Variants in TSNARE1 observed in about 807,000 individuals in gnomAD.
The protein encoded by TSNARE1 is t-SNARE domain containing 1.
Under a neutral mutation model 62.0 loss-of-function variants are expected in TSNARE1, and 49 were observed. That is an observed-to-expected ratio of 0.79 (90% confidence interval 0.63 to 1.00). TSNARE1 has a LOEUF of 1.00. Among genes scored for constraint, TSNARE1 ranks in the 50% least tolerant of loss-of-function variants. The pLI is 0.00. For synonymous variants in TSNARE1, 328 were observed against 294.4 expected (o/e 1.11, Z -1.17); for missense variants, 755 against 700.1 (o/e 1.08, Z -0.88).
At chr8:142,255,484 A>ACCACCACCACTG (rs1818398465) in intron 12 of TSNARE1, among the ~76,000 whole-genome samples, 1 of 27,398 alleles carries the variant, frequency 3.6e-5, no homozygotes, top group Non-Finnish European at 7.6e-5. Context: ...CACCATCACC[A>ACCACCACCACTG]TCATCATCAC....
intron 11 of TSNARE1, chr8:142,277,185 C>T (rs967480295): frequency 4.7e-5 from 46 of 985,234 alleles, no homozygotes; most frequent in Non-Finnish European, 5.4e-5. Context: ...CTGCTCCTCC[C>T]AACACAGGGG....
chr8:142,229,403 T>C lies in TSNARE1; in HGVS notation c.*11+70A>G. 4 of 1,232,304 alleles carry C rather than the reference T, an allele frequency of 3.2e-6. No homozygotes were observed. The East Asian group carries it at 9.7e-5, about 30-fold the overall frequency. The allele number at this position is 1,232,304 out of a possible 1,614,324, so 76.3% of individuals were successfully genotyped here. A position where few individuals can be genotyped will look rare whatever the true frequency, so the allele number is the denominator to read the frequency against. ...GGATGGTGGATGGTTAGATGGATGG[T>C]GGATAGGTGAATGAATGGATGGTGG... On this transcript the variant is annotated intron_variant, in intron 13 of 13. Transcript: ENST00000524325.
At chr8:142,216,338 G>T (rs568560604) in intron 13 of TSNARE1, among the ~76,000 whole-genome samples, 2 of 152,188 alleles carry the variant, frequency 1.3e-5, no homozygotes, top group Admixed American at 6.5e-5. Flanking sequence ...AGGGGCTGGG[G>T]GTGTGGGGCT....
chr8:142,242,024 G>A (rs997081042), intron 12 of TSNARE1, among the ~76,000 whole-genome samples: 2 of 151,490 alleles, frequency 1.3e-5, no homozygotes, highest in Non-Finnish European at 1.5e-5. Flanking sequence ...AACTCAAAAT[G>A]GATGGAAGAC....
chr8:142,305,914 TG>T (rs2131423862), intron 9 of TSNARE1, among the ~76,000 whole-genome samples: 1 of 152,248 alleles, frequency 6.6e-6, no homozygotes, highest in East Asian at 1.9e-4. Context: ...CGGTTTCCCG[TG>T]GGAAGAGACT....
At chr8:142,321,205 C>A (rs985547830) in intron 6 of TSNARE1, among the ~76,000 whole-genome samples, 1 of 152,166 alleles carries the variant, frequency 6.6e-6, no homozygotes, top group African/African-American at 2.4e-5. Context: ...GGCCACCTTC[C>A]ATGATGCTCG....
At chr8:142,379,698 C>T (rs1450271924) in intron 1 of TSNARE1, among the ~76,000 whole-genome samples, 3 of 152,144 alleles carry the variant, frequency 2.0e-5, no homozygotes, top group Non-Finnish European at 4.4e-5. Context: ...CCCCAGTGCT[C>T]CGCCCAAGCC....
chr8:142,237,529 C>T (rs939973647), intron 12 of TSNARE1, among the ~76,000 whole-genome samples: 4 of 152,266 alleles, frequency 2.6e-5, no homozygotes, highest in African/African-American at 7.2e-5. Context: ...CGGAACCACC[C>T]GGGCCCTCCC....
At chr8:142,401,098 C>T (rs1056632649) in intron 1 of TSNARE1, among the ~76,000 whole-genome samples, 1 of 152,170 alleles carries the variant, frequency 6.6e-6, no homozygotes, top group Non-Finnish European at 1.5e-5. Flanking sequence ...GAAGGTGACT[C>T]CCCAACTCCG....
chr8:142,313,340 CTG>C (rs563809241), intron 9 of TSNARE1, among the ~76,000 whole-genome samples: 252 of 151,122 alleles, frequency 1.7e-3, no homozygotes, highest in African/African-American at 5.8e-3. Context: ...GTGTGTTTAT[CTG>C]TGTGTCTCTA....
chr8:142,273,437 A>C (rs1586934323), intron 12 of TSNARE1: 1 of 985,196 alleles, frequency 1.0e-6, no homozygotes, highest in African/African-American at 1.7e-5. Context: ...AGCTGCCCTC[A>C]GCGACTAGAG....
rs117159192 is a variant in TSNARE1, at chr8:142,232,164, G to A, written c.1447-2585C>T. 1.4e-3 allele frequency among the ~76,000 whole-genome samples: 209 copies of A among 152,354 alleles called. 1 individual carries two copies. The East Asian group carries it at 0.029, about 21-fold the overall frequency. On this transcript the variant is annotated intron_variant, in intron 12 of 13. Coordinates refer to ENST00000524325, the MANE Select transcript of TSNARE1 (RefSeq NM_145003.5). ...CTTTGACTTGGGGTGCCATGCCCTG[G>A]TCTGCAGGCCGAGGTGCATGCTGGA...
chr8:142,349,542 G>A (rs1278333574), intron 2 of TSNARE1, among the ~76,000 whole-genome samples: 2 of 152,110 alleles, frequency 1.3e-5, no homozygotes, highest in African/African-American at 2.4e-5. Flanking sequence ...TTTAAAACTC[G>A]CACGCACAGA....
chr8:142,227,708 C>T (rs1215622942), intron 13 of TSNARE1, among the ~76,000 whole-genome samples: 1 of 152,234 alleles, frequency 6.6e-6, no homozygotes, highest in Admixed American at 6.5e-5. Flanking sequence ...TGGGGAGACC[C>T]CAGGGATGCG....
intron 12 of TSNARE1, among the ~76,000 whole-genome samples, chr8:142,267,881 A>C (rs1819223900): frequency 1.3e-5 from 2 of 152,230 alleles, no homozygotes; most frequent in African/African-American, 4.8e-5. Context: ...ATAGGTCGGC[A>C]ACCCTCAAGG....
intron 12 of TSNARE1, among the ~76,000 whole-genome samples, chr8:142,253,183 G>A (rs1818260947): frequency 6.6e-6 from 1 of 152,232 alleles, no homozygotes; most frequent in Admixed American, 6.5e-5. Context: ...GACAGCCCAG[G>A]CTGGCACTAC....
chr8:142,273,713 G>A lies in TSNARE1; in HGVS notation c.1446+1068C>T, dbSNP rs962944603. 41 of 985,256 alleles carry A rather than the reference G, an allele frequency of 4.2e-5. No homozygotes were observed. In the Admixed American group the frequency reaches 1.5e-3, roughly 37 times the overall value. The allele number at this position is 985,256 out of a possible 1,614,324, so 61.0% of individuals were successfully genotyped here. On this transcript the variant is annotated intron_variant, in intron 12 of 13. Coordinates refer to ENST00000524325, the MANE Select transcript of TSNARE1 (RefSeq NM_145003.5). ...ACACACTCCCACAGTGGGGGTGCCC[G>A]GGCTGGGTCCCACTGGGGAAGCTCA...
rs1369978397 is a variant in TSNARE1 at position 142,302,213 on chromosome 8, C to CAGG, written c.1132-1570_1132-1569insCCT. 6.9e-3 allele frequency among the ~76,000 whole-genome samples: 1,043 copies of CAGG among 152,238 alleles called. 10 individuals are homozygous for CAGG. Among genetic ancestry groups the CAGG allele is most frequent in the African/African-American group, 0.023 (966 of 41,540 alleles). On this transcript the variant is annotated intron_variant, in intron 9 of 13. Transcript: ENST00000524325. ...CAGACCCATGGCGCCCTCAGCCCTG[C>CAGG]CCCCAGATCCAGCTTCCCCTCAGCT... is the stretch of plus-strand genomic sequence containing the variant.
At chr8:142,296,344 GGCGGTGGTC>G (rs1824732881) in intron 10 of TSNARE1, among the ~76,000 whole-genome samples, 2 of 108,166 alleles carry the variant, frequency 1.8e-5, no homozygotes, top group African/African-American at 7.4e-5. Flanking sequence ...TCATGGGGGA[GGCGGTGGTC>G]ACTCATGGGG....
Sources: allele counts gnomAD v4.1 joint callset (sites outside exome capture counted in the v4.1 genomes callset), GRCh38; gene constraint gnomAD v4.1.1; transcripts MANE v1.5; gene names NCBI Gene and HGNC (gene_info 2026-07-23, HGNC 2026-07-21).